Variants in LYSMD4 observed in about 807,000 individuals in gnomAD.
The protein encoded by LYSMD4 is lysM and putative peptidoglycan-binding domain-containing protein 4.
Under a neutral mutation model 6.1 loss-of-function variants are expected in LYSMD4, and 9 were observed. That is an observed-to-expected ratio of 1.47 (90% CI 0.88 to 2.56). The LOEUF is 2.56. Among genes scored for constraint, LYSMD4 ranks in the 30% most tolerant of loss-of-function variants. The pLI is 0.00. For missense variants in LYSMD4, 384 were observed against 373.5 expected (o/e 1.03, Z -0.23); for synonymous variants, 143 against 148.5 (o/e 0.96, Z 0.27).
rs951020455 is a variant in LYSMD4 at position 99,733,394 on chromosome 15, C to T, written c.-58G>A. 1 of 395,828 alleles carries T rather than the reference C, an allele frequency of 2.5e-6. No homozygotes were observed. Among genetic ancestry groups the T allele is most frequent in the Admixed American group, 4.4e-5 (1 of 22,614 alleles). 24.5% of individuals were successfully genotyped at this position (395,828 alleles called of 1,614,324 possible). ...CCGGCGACCGGCGACTCGCGACCCG[C>T]GACCCGCGACCCGCAGCTGCCACCG... On this transcript the variant is annotated 5_prime_UTR_variant, in exon 1 of 3. Coordinates refer to ENST00000684762, the MANE Select transcript of LYSMD4 (RefSeq NM_001284417.2).
Position 99,729,103 on chromosome 15 carries a change from C to G in LYSMD4, c.*20G>C. On this transcript the variant is annotated 3_prime_UTR_variant, in exon 3 of 3. Coordinates refer to ENST00000684762, the MANE Select transcript of LYSMD4 (RefSeq NM_001284417.2). ...CAACAGCCAATTGCTAAAGCTGGGC[C>G]TAGTCTTTAAAAACAAAGCTTAGCT... 6.2e-7 allele frequency: 1 copy of G among 1,608,068 alleles called. No homozygotes were observed. The highest frequency in any genetic ancestry group is 8.5e-7 in the Non-Finnish European group (1 of 1,174,984).
intron 2 of LYSMD4, 78 bp downstream of exon 2, chr15:99,731,640 G>A: frequency 2.0e-6 from 3 of 1,521,478 alleles, no homozygotes; most frequent in Admixed American, 2.2e-5. Context: ...AAGAAGGGCG[G>A]CAAGGGCACC....
Position 99,716,664 on chromosome 15 carries a change from G to T in LYSMD4, c.134C>A (p.Ala45Asp), listed in dbSNP as rs1179212779. The T allele has an allele frequency of 8.8e-6, 4 of 456,752 alleles. No homozygotes were observed. The East Asian group carries it at 2.8e-4, about 32-fold the overall frequency. 28.3% of individuals were successfully genotyped at this position (456,752 alleles called of 1,614,324 possible). The change falls in exon 1 of 1, where the codon GCC becomes GAC. Residue 45 changes from alanine (A) to aspartate (D), a missense_variant. By Grantham distance (126) the Ala-to-Asp change is moderately radical. Coordinates refer to the LYSMD4 transcript ENST00000378904. ...GGAAACCGTCCCAACGCCCCCACTG[G>T]CCTCCCCCTTGTCGGCTCCCGGGTC...
Position 99,727,833 on chromosome 15 carries a change from C to A in LYSMD4, c.*1290G>T, listed in dbSNP as rs1457006074. Reference sequence around the variant, plus strand: ...ACTGTCCCTCCACCGAGCATCTGGGCAGTGTCTGCCTCCTGTCCAGAACTC... The same window carrying A: ...ACTGTCCCTCCACCGAGCATCTGGGAAGTGTCTGCCTCCTGTCCAGAACTC... On this transcript the variant is annotated 3_prime_UTR_variant, in exon 3 of 3. Coordinates refer to ENST00000684762, the MANE Select transcript of LYSMD4 (RefSeq NM_001284417.2). 6.6e-6 allele frequency: 1 copy of A among 152,320 alleles called. No individual in the cohort carries two copies. Among genetic ancestry groups the A allele is most frequent in the African/African-American group, 2.4e-5 (1 of 41,464 alleles). The allele number at this position is 152,320 out of a possible 1,614,324, so 9.4% of individuals were successfully genotyped here.
chr15:99,724,583 C>T (rs1217223770), downstream of LYSMD4, among the ~76,000 whole-genome samples: 1 of 152,186 alleles, frequency 6.6e-6, no homozygotes, highest in Non-Finnish European at 1.5e-5. Flanking sequence ...GGTCATATCC[C>T]ATTAGGTTAT....
chr15:99,732,969 T>A, intron 1 of LYSMD4: 1 of 178,744 alleles, frequency 5.6e-6, no homozygotes, highest in Non-Finnish European at 1.2e-5. Context: ...GGGCCAGCCT[T>A]CGCGTCCGAG....
Position 99,729,060 on chromosome 15 carries a change from G to C in LYSMD4, c.*63C>G. On this transcript the variant is annotated 3_prime_UTR_variant, in exon 3 of 3. Transcript: ENST00000684762. The stretch of plus-strand genomic sequence containing the variant: ...ATGCAGCACCCCTAGGACATCGCCA[G>C]TGACAGCTGAGGCACATCAACAGCC... The C allele has an allele frequency of 6.3e-7, 1 of 1,588,996 alleles. No homozygotes were observed. Among genetic ancestry groups the C allele is most frequent in the Non-Finnish European group, 8.6e-7 (1 of 1,164,834 alleles).
chr15:99,726,662 G>C (rs909848159), downstream of LYSMD4, among the ~76,000 whole-genome samples: 3 of 152,070 alleles, frequency 2.0e-5, no homozygotes, highest in African/African-American at 7.2e-5. Context: ...TGTCTCTCCA[G>C]AGTAAAATTA....
chr15:99,718,810 G>A (rs983594982), upstream of LYSMD4, among the ~76,000 whole-genome samples: 8 of 152,090 alleles, frequency 5.3e-5, no homozygotes, highest in African/African-American at 1.4e-4. Flanking sequence ...ATGGTATTTG[G>A]AAACCAGATC....
At chr15:99,720,520 C>G (rs2059230098), upstream of LYSMD4, among the ~76,000 whole-genome samples, 1 of 152,196 alleles carries the variant, frequency 6.6e-6, no homozygotes, top group Non-Finnish European at 1.5e-5. Context: ...TTAGAAAGAT[C>G]ATCTTTACTT....
In LYSMD4 at chr15:99,731,717, C is replaced by CT; in HGVS notation, c.282dup (p.Val95SerfsTer23). On this transcript the variant is annotated frameshift_variant and splice_region_variant. Coordinates refer to ENST00000684762, the MANE Select transcript of LYSMD4 (RefSeq NM_001284417.2). LOFTEE classifies it high-confidence loss of function. ...GGCAGGGCCCCTGAGGGGTGTCTTA[C>CT]TTTGCAGCCATACTGCAGCGCCAGC... 6.3e-7 allele frequency: 1 copy of CT among 1,586,904 alleles called. No homozygotes were observed. The highest frequency in any genetic ancestry group is 8.6e-7 in the Non-Finnish European group (1 of 1,167,034).
upstream of LYSMD4, among the ~76,000 whole-genome samples, chr15:99,720,556 A>G (rs1298089125): frequency 6.6e-6 from 1 of 152,206 alleles, no homozygotes; most frequent in Non-Finnish European, 1.5e-5. Flanking sequence ...CTAATTCTGG[A>G]CTGTTTTCAT....
exon 1 of LYSMD4, chr15:99,717,390 T>C (rs1483049443): frequency 6.6e-6 from 1 of 152,322 alleles, no homozygotes; most frequent in Non-Finnish European, 1.5e-5. Flanking sequence ...TGCCAGCTGA[T>C]TGGCTGCAGC....
chr15:99,719,595 G>A (rs971783602), upstream of LYSMD4, among the ~76,000 whole-genome samples: 6 of 152,112 alleles, frequency 3.9e-5, no homozygotes, highest in Admixed American at 6.5e-5. Flanking sequence ...GTTCATAGAC[G>A]TTTTCATCCA....
upstream of LYSMD4, among the ~76,000 whole-genome samples, chr15:99,721,451 C>G (rs745332546): frequency 2.0e-5 from 3 of 152,186 alleles, no homozygotes; most frequent in Admixed American, 6.5e-5. Context: ...AAACAGGGAG[C>G]CTGGCACTTG....
At chr15:99,717,719 T>G (rs753370128) in exon 1 of LYSMD4, 1 of 152,226 alleles carries the variant, frequency 6.6e-6, no homozygotes, top group Admixed American at 6.5e-5. Context: ...AGGACCCAGA[T>G]TGACAGGGCA....
intron 1 of LYSMD4, 144 bp from the exon 2 acceptor site, chr15:99,732,151 G>A (rs1364360427): frequency 4.6e-6 from 4 of 876,542 alleles, no homozygotes; most frequent in South Asian, 2.0e-5. Flanking sequence ...AGAAAAAAAA[G>A]AATGTGCTTA....
chr15:99,729,969 G>A (rs1474001617), intron 2 of LYSMD4, among the ~76,000 whole-genome samples: 3 of 152,172 alleles, frequency 2.0e-5, no homozygotes, highest in African/African-American at 7.2e-5. Flanking sequence ...AAGATTTACA[G>A]GTTTGAACAA....
At chr15:99,724,144 C>T (rs907846331), downstream of LYSMD4, among the ~76,000 whole-genome samples, 3 of 151,028 alleles carry the variant, frequency 2.0e-5, no homozygotes, top group Non-Finnish European at 2.9e-5. Context: ...TTTCAGATGT[C>T]GACTAAGGAA....
Sources: gnomAD v4.1 joint callset for allele counts (sites outside exome capture counted in the v4.1 genomes callset) on GRCh38, gnomAD v4.1.1 for gene constraint, MANE v1.5 for transcripts, NCBI Gene and HGNC (gene_info 2026-07-23, HGNC 2026-07-21) for gene names.